WWOX: variants seen among roughly 807,000 people sequenced by gnomAD.
WWOX encodes WW domain containing oxidoreductase.
Under a neutral mutation model 46.2 loss-of-function variants are expected in WWOX, and 69 were observed. The ratio of observed to expected loss-of-function variants is 1.49; its 90% confidence interval spans 1.23 to 1.82. The LOEUF (loss-of-function observed/expected upper bound fraction) is 1.82. WWOX is among the 40% of genes most tolerant of loss of function. The pLI, the probability that WWOX is intolerant of heterozygous loss-of-function variation, is 0.00. For synonymous variants in WWOX, 359 were observed against 202.6 expected (o/e 1.77, Z -6.56); for missense variants, 919 against 542.6 (o/e 1.69, Z -6.89).
intron 8 of WWOX, among the ~76,000 whole-genome samples, chr16:78,531,805 C>T (rs943721944): frequency 5.3e-5 from 8 of 152,074 alleles, no homozygotes; most frequent in Non-Finnish European, 1.0e-4. Context: ...TTGTAGTGAG[C>T]CAAACTTGCA....
chr16:79,026,509 T>C (rs2047644803), intron 8 of WWOX, among the ~76,000 whole-genome samples: 1 of 151,610 alleles, frequency 6.6e-6, no homozygotes, highest in Non-Finnish European at 1.5e-5. Context: ...TCAGGGTCCA[T>C]TTTCTGCTCC....
In WWOX at chr16:78,386,922, T is replaced by C. The variant is rs554077107; in HGVS notation, c.579T>C (p.Phe193=). ...DLALLRSVQH[F]AEAFKAKNVP... is the part of the protein sequence containing the mutation. ...CTCTGCTCCGTAGCGTGCAGCATTT[T>C]GCTGAAGCATTCAAGGCCAAGAATG... The change falls in exon 6 of 9, where the codon TTT becomes TTC. Residue 193 remains phenylalanine, a synonymous_variant. Coordinates refer to ENST00000566780, the MANE Select transcript of WWOX (RefSeq NM_016373.4). 5.7e-5 allele frequency: 92 copies of C among 1,614,162 alleles called. 1 individual carries two copies. In the South Asian group the frequency reaches 9.7e-4, roughly 17 times the overall value.
Position 79,212,235 on chromosome 16 carries a change from G to A in WWOX, c.*439G>A. On this transcript the variant is annotated 3_prime_UTR_variant, in exon 9 of 9. Transcript: ENST00000566780. ...AAAAAGCAAGTGTTCACTGCTCCTT[G>A]CTGCATTGATCCAGGAGATAATTGT... The A allele has an allele frequency of 7.3e-7, 1 of 1,368,574 alleles. No homozygotes were observed. Among genetic ancestry groups the A allele is most frequent in the South Asian group, 1.5e-5 (1 of 65,198 alleles). The allele number at this position is 1,368,574 out of a possible 1,614,324, so 84.8% of individuals were successfully genotyped here.
intron 6 of WWOX, among the ~76,000 whole-genome samples, chr16:78,416,221 G>A (rs1324765885): frequency 1.3e-5 from 2 of 152,178 alleles, no homozygotes; most frequent in Admixed American, 1.3e-4. Flanking sequence ...TTCATAGTCT[G>A]TAAATATTCA....
At chr16:78,687,752 A>G (rs184767645) in intron 8 of WWOX, among the ~76,000 whole-genome samples, 1 of 152,206 alleles carries the variant, frequency 6.6e-6, no homozygotes, top group Non-Finnish European at 1.5e-5. Flanking sequence ...TTAACACTGT[A>G]TTTCATATTC....
chr16:78,824,477 C>G (rs1027158112), intron 8 of WWOX, among the ~76,000 whole-genome samples: 5 of 152,144 alleles, frequency 3.3e-5, no homozygotes, highest in Admixed American at 2.0e-4. Context: ...GAGAAACAAG[C>G]AAAGTACTTC....
intron 8 of WWOX, among the ~76,000 whole-genome samples, chr16:79,028,139 C>A (rs1027366952): frequency 6.6e-6 from 1 of 151,774 alleles, no homozygotes; most frequent in East Asian, 1.9e-4. Context: ...TCAGCAGAGA[C>A]GGGGTTTCAC....
At chr16:78,417,458 G>T (rs1257929365) in intron 6 of WWOX, among the ~76,000 whole-genome samples, 1 of 151,842 alleles carries the variant, frequency 6.6e-6, no homozygotes, top group Non-Finnish European at 1.5e-5. Context: ...TGTCACGTAG[G>T]GTTCTTAAAT....
At chr16:78,978,233 A>T (rs1414388812) in intron 8 of WWOX, among the ~76,000 whole-genome samples, 1 of 152,230 alleles carries the variant, frequency 6.6e-6, no homozygotes, top group Non-Finnish European at 1.5e-5. Flanking sequence ...TGGTTGACCC[A>T]TTCATCCATC....
At chr16:78,922,380 A>ATTT (rs33954701) in intron 8 of WWOX, among the ~76,000 whole-genome samples, 1 of 137,496 alleles carries the variant, frequency 7.3e-6, no homozygotes, top group African/African-American at 2.6e-5. Context: ...TATTTCAGTG[A>ATTT]TTTTTTTTTT....
intron 8 of WWOX, among the ~76,000 whole-genome samples, chr16:79,110,031 C>G (rs1311296555): frequency 6.6e-6 from 1 of 152,194 alleles, no homozygotes; most frequent in Non-Finnish European, 1.5e-5. Flanking sequence ...CAATTTATTG[C>G]TAGCCTGGTA....
intron 8 of WWOX, among the ~76,000 whole-genome samples, chr16:78,835,526 C>A (rs1344030523): frequency 6.6e-6 from 1 of 152,188 alleles, no homozygotes; most frequent in African/African-American, 2.4e-5. Flanking sequence ...TAAAATCACA[C>A]AATCAGCACT....
intron 8 of WWOX, among the ~76,000 whole-genome samples, chr16:78,561,268 C>G (rs1250801798): frequency 1.3e-5 from 2 of 152,192 alleles, no homozygotes; most frequent in Admixed American, 1.3e-4. Context: ...ATCTCTCTGA[C>G]TTTCCTTGAC....
chr16:78,637,720 T>G (rs2046608575), intron 8 of WWOX, among the ~76,000 whole-genome samples: 1 of 152,166 alleles, frequency 6.6e-6, no homozygotes, highest in Non-Finnish European at 1.5e-5. Context: ...AGCCCTTCCA[T>G]TTGAAAGGAG....
At chr16:79,122,818 C>G (rs948058531) in intron 8 of WWOX, among the ~76,000 whole-genome samples, 18 of 152,160 alleles carry the variant, frequency 1.2e-4, no homozygotes, top group Admixed American at 3.9e-4. Flanking sequence ...GGGAAGTGAG[C>G]TCAATGAAAT....
chr16:79,141,209 C>T (rs2050082696), intron 8 of WWOX, among the ~76,000 whole-genome samples: 1 of 152,340 alleles, frequency 6.6e-6, no homozygotes, highest in Middle Eastern at 3.4e-3. Context: ...CTCTTATCTA[C>T]CTATGACCTG....
chr16:78,356,747 T>G (rs1233557396), intron 5 of WWOX, among the ~76,000 whole-genome samples: 1 of 152,060 alleles, frequency 6.6e-6, no homozygotes, highest in Non-Finnish European at 1.5e-5. Context: ...CCGGGCATAG[T>G]GGCATGAGCC....
intron 5 of WWOX, among the ~76,000 whole-genome samples, chr16:78,265,703 A>T (rs1170167859): frequency 6.6e-6 from 1 of 150,612 alleles, no homozygotes; most frequent in Admixed American, 6.6e-5. Flanking sequence ...ACAACAAAAA[A>T]CACGAATATC....
At chr16:78,802,000 G>T (rs78593611) in intron 8 of WWOX, among the ~76,000 whole-genome samples, 1,656 of 152,196 alleles carry the variant, frequency 0.011, 31 homozygotes, top group African/African-American at 0.039. Flanking sequence ...ATGATGTGTG[G>T]AAAGGGCCTA....
Sources: gnomAD v4.1 joint callset for allele counts (sites outside exome capture counted in the v4.1 genomes callset) on GRCh38, gnomAD v4.1.1 for gene constraint, MANE v1.5 for transcripts, NCBI Gene and HGNC (gene_info 2026-07-23, HGNC 2026-07-21) for gene names.